Variants in NAV1 observed in about 807,000 individuals in gnomAD.
The protein encoded by NAV1 is pore membrane and/or filament interacting like protein 3.
In NAV1, 18 loss-of-function variants were observed where a neutral mutation model predicts 175.2. The ratio of observed to expected loss-of-function variants is 0.10; its 90% CI spans 0.07 to 0.15. The LOEUF (loss-of-function observed/expected upper bound fraction) is 0.15, where lower values mean the gene tolerates loss of function less well. NAV1 is among the 10% of genes least tolerant of loss of function. NAV1 has a pLI of 1.00. For missense variants in NAV1, 1,731 were observed against 2,436.6 expected (o/e 0.71, Z 6.10); for synonymous variants, 897 against 978.7 (o/e 0.92, Z 1.56).
At chr1:201,632,074 T>A (rs1319296435) in intron 2 of NAV1, among the ~76,000 whole-genome samples, 1 of 152,124 alleles carries the variant, frequency 6.6e-6, no homozygotes, top group Non-Finnish European at 1.5e-5. Context: ...CCCAATGTGC[T>A]TCTCTCTGTC....
chr1:201,741,640 A>G (rs1200223824), intron 3 of NAV1, among the ~76,000 whole-genome samples: 1 of 152,012 alleles, frequency 6.6e-6, no homozygotes, highest in African/African-American at 2.4e-5. Context: ...CACTGCCTCT[A>G]CTCTTAAATT....
rs869188724 is a variant in NAV1, at chr1:201,701,421, TAA to T, written c.758-11390_758-11389del. Among the ~76,000 whole-genome samples the T allele has an allele frequency of 6.3e-5, 4 of 63,398 alleles. No homozygotes were observed. In the Admixed American group the frequency reaches 7.2e-4, roughly 11 times the overall value. 41.6% of individuals were successfully genotyped at this position (63,398 alleles called of 152,430 possible). A position where few individuals can be genotyped will look rare whatever the true frequency, so the allele number is the denominator to read the frequency against. On this transcript the variant is annotated intron_variant, in intron 1 of 29. Transcript: ENST00000367296. ...AGAACTTAAAGTATAATAAAAAAAA[TAA>T]AAAAAGAAAAAGAAAAAGAGCCAGT...
upstream of NAV1, among the ~76,000 whole-genome samples, chr1:201,621,686 T>C (rs1668175494): frequency 2.0e-5 from 3 of 152,232 alleles, no homozygotes; most frequent in Admixed American, 2.0e-4. Context: ...AAAAGGTTTT[T>C]TGCCCATATA....
At chr1:201,597,032 G>A (rs1188370735) in intron 2 of NAV1, among the ~76,000 whole-genome samples, 2 of 152,084 alleles carry the variant, frequency 1.3e-5, no homozygotes, top group Non-Finnish European at 2.9e-5. Context: ...CATCATGTTG[G>A]CCAGGCTGGT....
intron 1 of NAV1, among the ~76,000 whole-genome samples, chr1:201,708,684 G>A (rs6668793): frequency 0.012 from 1,835 of 152,220 alleles, 43 homozygotes; most frequent in African/African-American, 0.042. Flanking sequence ...AGTATTCTGA[G>A]CACGTCCTCC....
intron 1 of NAV1, among the ~76,000 whole-genome samples, chr1:201,573,273 C>T (rs767935773): frequency 3.4e-4 from 51 of 152,172 alleles, no homozygotes; most frequent in Non-Finnish European, 4.4e-4. Flanking sequence ...TTTCACAGAA[C>T]GTGGCTGCTA....
At chr1:201,645,292 A>G (rs937169386), upstream of NAV1, among the ~76,000 whole-genome samples, 3 of 151,234 alleles carry the variant, frequency 2.0e-5, no homozygotes, top group African/African-American at 4.9e-5. Context: ...TCAGCAAACT[A>G]TCGCAAGGAC....
At chr1:201,710,132 G>A (rs937625018) in intron 1 of NAV1, among the ~76,000 whole-genome samples, 3 of 148,856 alleles carry the variant, frequency 2.0e-5, no homozygotes, top group Non-Finnish European at 4.4e-5. Flanking sequence ...ACTCTCCTGA[G>A]GCTACTGTGT....
At chr1:201,631,820 A>T (rs1185350701) in intron 2 of NAV1, among the ~76,000 whole-genome samples, 1 of 152,244 alleles carries the variant, frequency 6.6e-6, no homozygotes, top group Non-Finnish European at 1.5e-5. Flanking sequence ...ATCAATTTGT[A>T]GATGGCTGGG....
chr1:201,636,918 C>T (rs971558229), intron 2 of NAV1, among the ~76,000 whole-genome samples: 3 of 152,158 alleles, frequency 2.0e-5, no homozygotes, highest in Non-Finnish European at 4.4e-5. Flanking sequence ...GGTGGCAAGC[C>T]CCTTGTGATG....
chr1:201,817,177 G>T (rs1679091632), exon 29 of NAV1: 1 of 1,613,982 alleles, frequency 6.2e-7, no homozygotes, highest in Non-Finnish European at 8.5e-7. Flanking sequence ...ACCAATCAAA[G>T]CTGTACCACC....
At chr1:201,776,137 G>A (rs1675922064) in intron 3 of NAV1, among the ~76,000 whole-genome samples, 7 of 152,012 alleles carry the variant, frequency 4.6e-5, no homozygotes, top group Admixed American at 4.6e-4. Flanking sequence ...TTATATGTGT[G>A]TGTACCTATA....
At chr1:201,566,395 A>G (rs1345448702) in intron 1 of NAV1, among the ~76,000 whole-genome samples, 2 of 151,976 alleles carry the variant, frequency 1.3e-5, no homozygotes, top group African/African-American at 4.8e-5. Context: ...ACCTAGTGAT[A>G]TTGCTCAGGG....
chr1:201,807,982 T>G lies in NAV1; in HGVS notation c.3678T>G (p.Ser1226Arg). Reference sequence around the variant, plus strand: ...GAAGTTCCTTCAACAAAGCGTTCAGTATAAAAAAGGGGCCCAAGTCAGCTT... The same window carrying G: ...GAAGTTCCTTCAACAAAGCGTTCAGGATAAAAAAGGGGCCCAAGTCAGCTT... The change falls in exon 18 of 30, where the codon AGT becomes AGG. Residue 1226 changes from serine to arginine, a missense_variant. Ser to Arg is a moderately radical substitution (Grantham distance 110). Coordinates refer to ENST00000367296, the Ensembl canonical transcript of NAV1. This position sits in a 1 kb window ranked among gnomAD's most constrained non-coding sequence, Gnocchi z 5.4. The G allele has an allele frequency of 6.2e-7, 1 of 1,614,064 alleles. No homozygotes were observed. The highest frequency in any genetic ancestry group is 8.5e-7 in the Non-Finnish European group (1 of 1,180,014).
At chr1:201,558,935 AG>A (rs1168478229) in intron 1 of NAV1, among the ~76,000 whole-genome samples, 4 of 152,070 alleles carry the variant, frequency 2.6e-5, no homozygotes, top group Non-Finnish European at 5.9e-5. Flanking sequence ...GATGATTGAG[AG>A]GCAGGAGTTG....
intron 13 of NAV1, 121 bp downstream of exon 17, chr1:201,790,887 C>A: frequency 1.2e-6 from 1 of 858,008 alleles, no homozygotes; most frequent in South Asian, 1.6e-5. Flanking sequence ...CAAGGGCATG[C>A]GTCTTCTTCA....
At chr1:201,786,575 T>A (rs779925821) in exon 9 of NAV1, 1 of 1,612,240 alleles carries the variant, frequency 6.2e-7, no homozygotes, top group East Asian at 2.2e-5. Context: ...CTTACCAACA[T>A]AGGTTAGTGT....
At chr1:201,692,198 T>G (rs1246567693) in intron 1 of NAV1, among the ~76,000 whole-genome samples, 1 of 152,126 alleles carries the variant, frequency 6.6e-6, no homozygotes, top group Non-Finnish European at 1.5e-5. Flanking sequence ...GGTGTGGATA[T>G]AGAGAAGCAG....
At chr1:201,767,011 A>G (rs3127544) in intron 3 of NAV1, among the ~76,000 whole-genome samples, 68,324 of 150,808 alleles carry the variant, frequency 0.45, 15,615 homozygotes, top group African/African-American at 0.5. Flanking sequence ...TAGTAGAGAC[A>G]GGGTTTCACG....
Sources: gnomAD v4.1 joint callset for allele counts (sites outside exome capture counted in the v4.1 genomes callset) on GRCh38, gnomAD v4.1.1 for gene constraint, Gnocchi (gnomAD v3.1) non-coding constraint, MANE v1.5 for transcripts, NCBI Gene and HGNC (gene_info 2026-07-23, HGNC 2026-07-21) for gene names.